SAPCD1: variants seen among roughly 807,000 people sequenced by gnomAD.
SAPCD1 encodes the protein suppressor APC domain-containing protein 1.
A neutral mutation model predicts 20.7 loss-of-function variants in SAPCD1; 16 were observed. That is an observed-to-expected ratio of 0.77 (90% CI 0.52 to 1.17). The LOEUF is 1.17. Ranked by LOEUF, SAPCD1 falls within the 50% of genes most tolerant of loss-of-function variation. The pLI is 0.00. For missense variants in SAPCD1, 173 were observed against 209.9 expected (o/e 0.82, Z 1.09); for synonymous variants, 77 against 84.8 (o/e 0.91, Z 0.50).
chr6:31,764,622 C>G lies in SAPCD1; in HGVS notation c.*91C>G, dbSNP rs1811346730. Reference sequence around the variant, plus strand: ...TTAACTCAACAGCTAAAAAATGGCTCCAGGTAGTGAGTCAATGAAGTTCAG... The same window carrying G: ...TTAACTCAACAGCTAAAAAATGGCTGCAGGTAGTGAGTCAATGAAGTTCAG... On this transcript the variant is annotated 3_prime_UTR_variant, in exon 5 of 5. Transcript: ENST00000415669. This position sits in a 1 kb window ranked among gnomAD's most constrained non-coding sequence, Gnocchi z 4.7. 2.3e-6 allele frequency: 2 copies of G among 861,092 alleles called. No homozygotes were observed. The highest frequency in any genetic ancestry group is 3.6e-6 in the Non-Finnish European group (2 of 550,896). 53.3% of individuals were successfully genotyped at this position (861,092 alleles called of 1,614,324 possible).
At position 31,763,368 on chromosome 6, in the gene SAPCD1, A is replaced by G; in HGVS notation, c.115-47A>G. On this transcript the variant is annotated intron_variant, in intron 1 of 4. Transcript: ENST00000415669. The surrounding 1 kb of genome is among the most constrained non-coding windows in gnomAD (Gnocchi z 4.9). ...GTGGAGAGAAAGGGCCATAACCCAGAGCCCTACTGTGGCGTGAGAGTCAGC... is the reference window on the plus strand; with the variant it reads ...GTGGAGAGAAAGGGCCATAACCCAGGGCCCTACTGTGGCGTGAGAGTCAGC... 6.2e-7 allele frequency: 1 copy of G among 1,610,996 alleles called. No individual in the cohort carries two copies. Among genetic ancestry groups the G allele is most frequent in the African/African-American group, 1.3e-5 (1 of 75,014 alleles).
chr6:31,763,076 G>A lies in SAPCD1; in HGVS notation c.22G>A (p.Gly8Arg), dbSNP rs147035824. The A allele has an allele frequency of 3.2e-4, 506 of 1,576,088 alleles. 3 individuals carry two copies. In the African/African-American group the frequency reaches 5.4e-3, roughly 17 times the overall value. ...AGCCATGGGGAGCCAGGGCTCTGGCGGGGTGCCCTTGGTGCAGGCTCCCTA... is the reference window on the plus strand; with the variant it reads ...AGCCATGGGGAGCCAGGGCTCTGGCAGGGTGCCCTTGGTGCAGGCTCCCTA... The change falls in exon 1 of 5, where the codon GGG becomes AGG. Residue 8 changes from glycine to arginine, a missense_variant. Transcript: ENST00000415669. The surrounding 1 kb of genome is among the most constrained non-coding windows in gnomAD (Gnocchi z 4.9).
chr6:31,764,098 G>T lies in SAPCD1; in HGVS notation c.290G>T (p.Arg97Leu). Residue 97 changes from arginine to leucine, a missense_variant, in exon 3 of 5, where the codon CGC becomes CTC. Physicochemically the swap from Arg to Leu is moderately radical, Grantham distance 102. Transcript: ENST00000415669. This position sits in a 1 kb window ranked among gnomAD's most constrained non-coding sequence, Gnocchi z 4.7. ...ACAGATTTACACTCAGAGCCTGGTC[G>T]CCCCCCGTTAGCCCAGATTCAAAAG... 1 of 1,613,420 alleles carries T rather than the reference G, an allele frequency of 6.2e-7. No homozygotes were observed. The highest frequency in any genetic ancestry group is 8.5e-7 in the Non-Finnish European group (1 of 1,179,398).
At position 31,764,104 on chromosome 6, in the gene SAPCD1, C is replaced by G. The variant is rs6905572; in HGVS notation, c.296C>G (p.Pro99Arg). ...TTACACTCAGAGCCTGGTCGCCCCC[C>G]GTTAGCCCAGATTCAAAAGGTGAAC... Residue 99 changes from proline to arginine, a missense_variant, in exon 3 of 5, where the codon CCG becomes CGG. Pro to Arg is a moderately radical substitution (Grantham distance 103). Transcript: ENST00000415669. This position sits in a 1 kb window ranked among gnomAD's most constrained non-coding sequence, Gnocchi z 4.7. The G allele has an allele frequency of 1.9e-5, 31 of 1,613,522 alleles. No homozygotes were observed. The Admixed American group carries it at 5.2e-4, about 27-fold the overall frequency.
In SAPCD1 at chr6:31,764,573, G is replaced by A; in HGVS notation, c.*42G>A. 1 of 1,422,792 alleles carries A rather than the reference G, an allele frequency of 7.0e-7. No individual in the cohort carries two copies. The highest frequency in any genetic ancestry group is 9.7e-7 in the Non-Finnish European group (1 of 1,029,942). 88.1% of individuals were successfully genotyped at this position (1,422,792 alleles called of 1,614,324 possible). ...CCTAAGCCTGGTGAAAGAGTCAGAA[G>A]CCCCAGGCTCCTTTTTCTGTTTCTT... is the stretch of plus-strand genomic sequence containing the variant. On this transcript the variant is annotated 3_prime_UTR_variant, in exon 5 of 5. Transcript: ENST00000415669. The surrounding 1 kb of genome is among the most constrained non-coding windows in gnomAD (Gnocchi z 4.7).
chr6:31,764,045 C>T lies in SAPCD1; in HGVS notation c.256-19C>T. Reference sequence around the variant, plus strand: ...CCTCAGGTTTTCACCATGTTGTCAGCCTCCAACTCCTCCTCTAGAATTTTC... The same window carrying T: ...CCTCAGGTTTTCACCATGTTGTCAGTCTCCAACTCCTCCTCTAGAATTTTC... On this transcript the variant is annotated intron_variant, in intron 2 of 4. Coordinates refer to ENST00000415669, the Ensembl canonical transcript of SAPCD1. The surrounding 1 kb of genome is among the most constrained non-coding windows in gnomAD (Gnocchi z 4.7). 1 of 1,548,156 alleles carries T rather than the reference C, an allele frequency of 6.5e-7. No individual in the cohort carries two copies. The highest frequency in any genetic ancestry group is 8.9e-7 in the Non-Finnish European group (1 of 1,119,984).
In SAPCD1 at chr6:31,764,090, GC is replaced by G. The variant is rs1811277830; in HGVS notation, c.284del (p.Pro95LeufsTer6). On this transcript the variant is annotated frameshift_variant, in exon 3 of 5. Transcript: ENST00000415669. LOFTEE classifies it high-confidence loss of function. This position sits in a 1 kb window ranked among gnomAD's most constrained non-coding sequence, Gnocchi z 4.7. ...ATTTTCTAACAGATTTACACTCAGA[GC>G]CTGGTCGCCCCCCGTTAGCCCAGAT... 1.2e-6 allele frequency: 2 copies of G among 1,613,644 alleles called. No homozygotes were observed. The highest frequency in any genetic ancestry group is 2.7e-5 in the African/African-American group (2 of 74,902).
chr6:31,763,938 C>T lies in SAPCD1; in HGVS notation c.256-126C>T. ...TGGAGGTGGAGAGTACTGGATTTTC[C>T]CACCTGCCTGGGAGGGTACTGGGAC... On this transcript the variant is annotated intron_variant, in intron 2 of 4. Coordinates refer to ENST00000415669, the Ensembl canonical transcript of SAPCD1. The surrounding 1 kb of genome is among the most constrained non-coding windows in gnomAD (Gnocchi z 4.9). The T allele has an allele frequency of 1.4e-6, 1 of 695,714 alleles. No individual in the cohort carries two copies. The highest frequency in any genetic ancestry group is 2.6e-6 in the Non-Finnish European group (1 of 390,688). The allele number at this position is 695,714 out of a possible 1,614,324, so 43.1% of individuals were successfully genotyped here.
chr6:31,764,587 T>C lies in SAPCD1; in HGVS notation c.*56T>C. 7.8e-7 allele frequency: 1 copy of C among 1,287,412 alleles called. No individual in the cohort carries two copies. The allele number at this position is 1,287,412 out of a possible 1,614,324, so 79.7% of individuals were successfully genotyped here. ...AAGAGTCAGAAGCCCCAGGCTCCTT[T>C]TTCTGTTTCTTAACTCAACAGCTAA... On this transcript the variant is annotated 3_prime_UTR_variant, in exon 5 of 5. Transcript: ENST00000415669. The surrounding 1 kb of genome is among the most constrained non-coding windows in gnomAD (Gnocchi z 4.7).
At position 31,763,207 on chromosome 6, in the gene SAPCD1, C is replaced by A; in HGVS notation, c.114+39C>A. ...CAACAAGAGGTCCCAGGGGAACTCTCTCAATAGATCTGCCCTTTATATTTC... is the reference window on the plus strand; with the variant it reads ...CAACAAGAGGTCCCAGGGGAACTCTATCAATAGATCTGCCCTTTATATTTC... On this transcript the variant is annotated intron_variant, in intron 1 of 4. Coordinates refer to ENST00000415669, the Ensembl canonical transcript of SAPCD1. This position sits in a 1 kb window ranked among gnomAD's most constrained non-coding sequence, Gnocchi z 4.9. 3 of 1,247,070 alleles carry A rather than the reference C, an allele frequency of 2.4e-6. No individual in the cohort carries two copies. Among genetic ancestry groups the A allele is most frequent in the South Asian group, 1.4e-5 (1 of 73,952 alleles). The allele number at this position is 1,247,070 out of a possible 1,614,324, so 77.3% of individuals were successfully genotyped here. A position where few individuals can be genotyped will look rare whatever the true frequency, so the allele number is the denominator to read the frequency against.
In SAPCD1 at chr6:31,764,471, A is replaced by G. The variant is rs1204008501; in HGVS notation, c.477A>G (p.Pro159=). ...GGCAGCAGAAAGGAGTCACCCAGCC[A>G]AAGGAGGAGATGGCTCAGCGGGGCT... The change falls in exon 5 of 5, where the codon CCA becomes CCG. Residue 159 remains proline (P), a synonymous_variant. Coordinates refer to ENST00000415669, the Ensembl canonical transcript of SAPCD1. The surrounding 1 kb of genome is among the most constrained non-coding windows in gnomAD (Gnocchi z 4.7). 1.2e-6 allele frequency: 2 copies of G among 1,614,148 alleles called. No individual in the cohort carries two copies. The highest frequency in any genetic ancestry group is 3.3e-4 in the Middle Eastern group (2 of 6,040).
Position 31,764,335 on chromosome 6 carries a change from C to A in SAPCD1, c.421C>A (p.Gln141Lys). The A allele has an allele frequency of 6.2e-7, 1 of 1,614,050 alleles. No homozygotes were observed. The highest frequency in any genetic ancestry group is 8.5e-7 in the Non-Finnish European group (1 of 1,179,916). Residue 141 changes from glutamine to lysine, a missense_variant, in exon 4 of 5, where the codon CAG becomes AAG. Gln to Lys is a moderately conservative substitution (Grantham distance 53, BLOSUM62 1). Transcript: ENST00000415669. This position sits in a 1 kb window ranked among gnomAD's most constrained non-coding sequence, Gnocchi z 4.7. ...GGATTCAAAGGAAAGACGAAGGGAG[C>A]AGAACTTGTGGCAGCAACAGGTAAA...
rs1175508132 is a variant in SAPCD1, at chr6:31,763,026, A to T, written c.-29A>T. 4 of 1,349,228 alleles carry T rather than the reference A, an allele frequency of 3.0e-6. No individual in the cohort carries two copies. Among genetic ancestry groups the T allele is most frequent in the Non-Finnish European group, 4.1e-6 (4 of 964,610 alleles). The allele number at this position is 1,349,228 out of a possible 1,614,324, so 83.6% of individuals were successfully genotyped here. On this transcript the variant is annotated 5_prime_UTR_variant, in exon 1 of 5. Coordinates refer to ENST00000415669, the Ensembl canonical transcript of SAPCD1. This position sits in a 1 kb window ranked among gnomAD's most constrained non-coding sequence, Gnocchi z 4.9. ...GACCAGCCCGGGCTGCACCAGTGGG[A>T]GTGGCTCCACCCTTCCCACCTCAGA...
Position 31,764,373 on chromosome 6 carries a change from G to A in SAPCD1, c.441+18G>A, listed in dbSNP as rs1438500663. 8.1e-6 allele frequency: 13 copies of A among 1,612,668 alleles called. No homozygotes were observed. Among genetic ancestry groups the A allele is most frequent in the Non-Finnish European group, 6.8e-6 (8 of 1,178,742 alleles). Reference sequence around the variant, plus strand: ...AGCAACAGGTAAACTTCAAGAAGGAGGGCAGGAGCCCCACCCTACAGGGCT... The same window carrying A: ...AGCAACAGGTAAACTTCAAGAAGGAAGGCAGGAGCCCCACCCTACAGGGCT... On this transcript the variant is annotated intron_variant, in intron 4 of 4. Coordinates refer to ENST00000415669, the Ensembl canonical transcript of SAPCD1. The surrounding 1 kb of genome is among the most constrained non-coding windows in gnomAD (Gnocchi z 4.7).
Position 31,763,867 on chromosome 6 carries a change from T to C in SAPCD1, c.256-197T>C, listed in dbSNP as rs1811253650. ...CTCCATGAAGAGTAGTGAAAGGGGG[T>C]ATTGTGCTATTTGAGGGAGATGGAG... On this transcript the variant is annotated intron_variant, in intron 2 of 4. Coordinates refer to ENST00000415669, the Ensembl canonical transcript of SAPCD1. This position sits in a 1 kb window ranked among gnomAD's most constrained non-coding sequence, Gnocchi z 4.9. 2 of 603,160 alleles carry C rather than the reference T, an allele frequency of 3.3e-6. No homozygotes were observed. Among genetic ancestry groups the C allele is most frequent in the Non-Finnish European group, 5.9e-6 (2 of 339,942 alleles). The allele number at this position is 603,160 out of a possible 1,614,324, so 37.4% of individuals were successfully genotyped here.
Position 31,763,003 on chromosome 6 carries a change from C to G in SAPCD1, c.-52C>G. 9.4e-7 allele frequency: 1 copy of G among 1,060,108 alleles called. No homozygotes were observed. Among genetic ancestry groups the G allele is most frequent in the Non-Finnish European group, 1.4e-6 (1 of 724,422 alleles). The allele number at this position is 1,060,108 out of a possible 1,614,324, so 65.7% of individuals were successfully genotyped here. ...GCAAGGCAGGGGTGGAGGGGAGGGA[C>G]CAGCCCGGGCTGCACCAGTGGGAGT... On this transcript the variant is annotated 5_prime_UTR_variant, in exon 1 of 5. Coordinates refer to ENST00000415669, the Ensembl canonical transcript of SAPCD1. This position sits in a 1 kb window ranked among gnomAD's most constrained non-coding sequence, Gnocchi z 4.9.
At position 31,763,114 on chromosome 6, in the gene SAPCD1, G is replaced by A. The variant is rs1015875466; in HGVS notation, c.60G>A (p.Leu20=). Reference sequence around the variant, plus strand: ...TGCAGGCTCCCTACACAGTCCTGCTGCTGCCGCTGGGGACAAGCCGCCAAG... The same window carrying A: ...TGCAGGCTCCCTACACAGTCCTGCTACTGCCGCTGGGGACAAGCCGCCAAG... The change falls in exon 1 of 5, where the codon CTG becomes CTA. Residue 20 remains leucine, a synonymous_variant. Coordinates refer to ENST00000415669, the Ensembl canonical transcript of SAPCD1. The surrounding 1 kb of genome is among the most constrained non-coding windows in gnomAD (Gnocchi z 4.9). 6.4e-7 allele frequency: 1 copy of A among 1,564,606 alleles called. No individual in the cohort carries two copies. Among genetic ancestry groups the A allele is most frequent in the Non-Finnish European group, 8.6e-7 (1 of 1,160,968 alleles).
rs1455818491 is a variant in SAPCD1, at chr6:31,763,585, G to T, written c.255+30G>T. ...GGGGGCTGCCCCTCTGTGTGAATGGGGGGAGGACCAGGGAGGGAGGAACAG... is the reference window on the plus strand; with the variant it reads ...GGGGGCTGCCCCTCTGTGTGAATGGTGGGAGGACCAGGGAGGGAGGAACAG... On this transcript the variant is annotated intron_variant, in intron 2 of 4. Transcript: ENST00000415669. This position sits in a 1 kb window ranked among gnomAD's most constrained non-coding sequence, Gnocchi z 4.9. 1 of 1,585,388 alleles carries T rather than the reference G, an allele frequency of 6.3e-7. No homozygotes were observed. The highest frequency in any genetic ancestry group is 8.6e-7 in the Non-Finnish European group (1 of 1,165,612).
rs1307097310 is a variant in SAPCD1 at position 31,763,079 on chromosome 6, G to A, written c.25G>A (p.Val9Met). ...CATGGGGAGCCAGGGCTCTGGCGGG[G>A]TGCCCTTGGTGCAGGCTCCCTACAC... The change falls in exon 1 of 5, where the codon GTG becomes ATG. Residue 9 changes from valine (V) to methionine (M), a missense_variant. Transcript: ENST00000415669. The surrounding 1 kb of genome is among the most constrained non-coding windows in gnomAD (Gnocchi z 4.9). 1 of 1,573,082 alleles carries A rather than the reference G, an allele frequency of 6.4e-7. No homozygotes were observed. Among genetic ancestry groups the A allele is most frequent in the Non-Finnish European group, 8.6e-7 (1 of 1,158,964 alleles).
Sources: allele counts gnomAD v4.1 joint callset, GRCh38; gene constraint gnomAD v4.1.1; non-coding constraint Gnocchi (gnomAD v3.1); transcripts MANE v1.5; gene names NCBI Gene and HGNC (gene_info 2026-07-23, HGNC 2026-07-21).